IFT81: variants seen among roughly 807,000 people sequenced by gnomAD.
IFT81 encodes intraflagellar transport 81.
A neutral mutation model predicts 102.6 loss-of-function variants in IFT81; 72 were observed. That is an observed-to-expected ratio of 0.70 (90% CI 0.58 to 0.85). The LOEUF is 0.85. Among genes scored for constraint, IFT81 ranks in the 40% least tolerant of loss-of-function variants. The pLI, the probability that IFT81 is intolerant of heterozygous loss-of-function variation, is 0.00. For synonymous variants in IFT81, 237 were observed against 242.7 expected (o/e 0.98, Z 0.22); for missense variants, 723 against 787.3 (o/e 0.92, Z 0.98).
intron 1 of IFT81, among the ~76,000 whole-genome samples, chr12:110,126,277 C>CAAAAAA (rs11287085): frequency 2.1e-5 from 2 of 97,544 alleles, no homozygotes; most frequent in Non-Finnish European, 4.3e-5. Context: ...GACTCCGTCT[C>CAAAAAA]AAAAAAAAAA....
chr12:110,162,896 CT>C (rs777706234), intron 10 of IFT81, 22 bp from the exon 11 acceptor site: 1 of 1,575,122 alleles, frequency 6.3e-7, no homozygotes, highest in Admixed American at 1.9e-5. Context: ...CTTATTATAC[CT>C]TCATATTTAA....
intron 12 of IFT81, among the ~76,000 whole-genome samples, chr12:110,188,535 C>T (rs1048934461): frequency 6.6e-6 from 1 of 151,830 alleles, no homozygotes; most frequent in Non-Finnish European, 1.5e-5. Flanking sequence ...AACTCTTCTT[C>T]CATTCTGTCT....
Position 110,138,417 on chromosome 12 carries a change from T to G in IFT81, c.781+1557T>G, listed in dbSNP as rs1265563982. 3.3e-5 allele frequency among the ~76,000 whole-genome samples: 5 copies of G among 152,258 alleles called. No individual in the cohort carries two copies. In the East Asian group the frequency reaches 5.8e-4, roughly 18 times the overall value. ...AGAGTAACAGCTATATTATAAAACA[T>G]TCACTGAGGTTAATCATTTTTTTTT... On this transcript the variant is annotated intron_variant, in intron 8 of 18. Coordinates refer to ENST00000242591, the MANE Select transcript of IFT81 (RefSeq NM_014055.4).
chr12:110,175,549 G>A (rs1001297423), intron 11 of IFT81, among the ~76,000 whole-genome samples: 1 of 152,170 alleles, frequency 6.6e-6, no homozygotes, highest in Admixed American at 6.5e-5. Flanking sequence ...AGTATCTGAT[G>A]CACATATGTT....
chr12:110,128,190 T>G (rs954692947), intron 3 of IFT81, 41 bp downstream of exon 3: 1 of 1,275,594 alleles, frequency 7.8e-7, no homozygotes, highest in African/African-American at 1.5e-5. Flanking sequence ...AAATTATGCT[T>G]TAATATCCAA....
At chr12:110,152,217 G>T (rs1214098999) in intron 10 of IFT81, among the ~76,000 whole-genome samples, 1 of 152,038 alleles carries the variant, frequency 6.6e-6, no homozygotes, top group Non-Finnish European at 1.5e-5. Context: ...TTTAATTTTT[G>T]AGGACCCTCC....
chr12:110,191,060 TTTA>T lies in IFT81; in HGVS notation c.1467+15_1467+17del. 2.5e-6 allele frequency: 4 copies of T among 1,587,094 alleles called. No individual in the cohort carries two copies. The highest frequency in any genetic ancestry group is 3.4e-6 in the Non-Finnish European group (4 of 1,171,544). On this transcript the variant is annotated intron_variant, in intron 13 of 18. Coordinates refer to ENST00000242591, the MANE Select transcript of IFT81 (RefSeq NM_014055.4). Reference sequence around the variant, plus strand: ...ATATGTCTGAAATGGTGATGATACTTTTATTTAAATTTTCTTTTATTGTGTAGC... The same window carrying T: ...ATATGTCTGAAATGGTGATGATACTTTTTAAATTTTCTTTTATTGTGTAGC...
intron 8 of IFT81, among the ~76,000 whole-genome samples, chr12:110,139,866 T>TAAAATAAAATAAAAAAAAATAAA (rs1477964163): frequency 7.7e-6 from 1 of 130,092 alleles, no homozygotes. Context: ...TAAAATAAAA[T>TAAAATAAAATAAAAAAAAATAAA]ATAAAATAAA....
At chr12:110,169,077 C>G (rs1343371740) in intron 11 of IFT81, 4 of 139,468 alleles carry the variant, frequency 2.9e-5, no homozygotes, top group Non-Finnish European at 4.7e-5. Flanking sequence ...TCCTTCCTTC[C>G]TTCCTCTCTC....
chr12:110,202,449 G>A (rs1431979926), intron 14 of IFT81, among the ~76,000 whole-genome samples: 2 of 150,808 alleles, frequency 1.3e-5, no homozygotes, highest in Non-Finnish European at 2.9e-5. Context: ...TTCAAATTGT[G>A]ATTCCACCTT....
At chr12:110,178,285 G>C (rs966578192) in intron 11 of IFT81, among the ~76,000 whole-genome samples, 1 of 150,124 alleles carries the variant, frequency 6.7e-6, no homozygotes, top group Non-Finnish European at 1.5e-5. Flanking sequence ...ATGGTAGCAG[G>C]CACCTGTAAT....
intron 11 of IFT81, among the ~76,000 whole-genome samples, chr12:110,179,773 T>TATACACACACACACAC (rs774113734): frequency 9.9e-5 from 5 of 50,460 alleles, no homozygotes; most frequent in Non-Finnish European, 1.2e-4. Context: ...TATATATATA[T>TATACACACACACACAC]ACACACACAC....
chr12:110,179,112 C>T (rs974212840), intron 11 of IFT81, among the ~76,000 whole-genome samples: 1 of 152,030 alleles, frequency 6.6e-6, no homozygotes, highest in South Asian at 2.1e-4. Flanking sequence ...AGCTTTTTAA[C>T]ATTTCGATGG....
intron 10 of IFT81, among the ~76,000 whole-genome samples, chr12:110,159,201 G>A (rs969983905): frequency 1.3e-5 from 2 of 152,176 alleles, no homozygotes; most frequent in African/African-American, 4.8e-5. Context: ...GGGCACAGTG[G>A]CTTATGCCTA....
At position 110,143,490 on chromosome 12, in the gene IFT81, AAGT is replaced by A; in HGVS notation, c.894_896del (p.Val299del). On this transcript the variant is annotated inframe_deletion, in exon 9 of 19. Coordinates refer to ENST00000242591, the MANE Select transcript of IFT81 (RefSeq NM_014055.4). ...AAAAAGGAATTACATTTTTTACAAA[AAGT>A]AGTTTCAGAGCCAGCTATGGGCCAT... 6 of 1,550,066 alleles carry A rather than the reference AAGT, an allele frequency of 3.9e-6. No homozygotes were observed. The highest frequency in any genetic ancestry group is 5.2e-6 in the Non-Finnish European group (6 of 1,159,844).
intron 18 of IFT81, among the ~76,000 whole-genome samples, chr12:110,211,175 CTTTTTT>C (rs796140785): frequency 2.9e-5 from 3 of 102,200 alleles, no homozygotes; most frequent in African/African-American, 3.6e-5. Flanking sequence ...ATTAGGCTTT[CTTTTTT>C]TTTTTTTTTT....
At chr12:110,150,370 C>G (rs1057043905) in intron 10 of IFT81, among the ~76,000 whole-genome samples, 1 of 152,150 alleles carries the variant, frequency 6.6e-6, no homozygotes, top group Non-Finnish European at 1.5e-5. Context: ...AGCCACCGCA[C>G]CCGGCCATGT....
intron 8 of IFT81, among the ~76,000 whole-genome samples, chr12:110,140,571 A>G (rs1440505757): frequency 1.3e-5 from 2 of 152,190 alleles, no homozygotes; most frequent in Non-Finnish European, 2.9e-5. Flanking sequence ...GATTCCATGC[A>G]TCTCTAATTA....
rs183813185 is a variant in IFT81 at position 110,151,352 on chromosome 12, C to G, written c.1041+4304C>G. On this transcript the variant is annotated intron_variant, in intron 10 of 18. Coordinates refer to ENST00000242591, the MANE Select transcript of IFT81 (RefSeq NM_014055.4). ...TCCATCCATGTTGTAGTATATGTAT[C>G]AGTACATCATTCCTTTTTAATTGCT... Among the ~76,000 whole-genome samples the G allele has an allele frequency of 1.6e-4, 24 of 152,252 alleles. 1 individual carries two copies. The highest frequency in any genetic ancestry group is 9.2e-4 in the Admixed American group (14 of 15,278).
Sources: gnomAD v4.1 joint callset for allele counts (sites outside exome capture counted in the v4.1 genomes callset) on GRCh38, gnomAD v4.1.1 for gene constraint, MANE v1.5 for transcripts, NCBI Gene and HGNC (gene_info 2026-07-23, HGNC 2026-07-21) for gene names.